The following FKBP5 variants were observed in gnomAD, a reference collection of about 807,000 sequenced individuals.
FKBP5 encodes FKBP prolyl isomerase 5.
FKBP5 carries 23 observed loss-of-function variants against 50.5 expected under a neutral mutation model. The observed-to-expected ratio is 0.46, with a 90% CI of 0.33 to 0.65. The LOEUF (loss-of-function observed/expected upper bound fraction) is 0.65. Ranked by LOEUF, FKBP5 falls within the 30% of genes least tolerant of loss-of-function variation. The pLI is 0.02. For missense variants in FKBP5, 411 were observed against 553.1 expected, an observed-to-expected ratio of 0.74 and a Z score of 2.58; for synonymous variants, 176 against 190.6, an observed-to-expected ratio of 0.92 and a Z score of 0.63.
intron 5 of FKBP5, among the ~76,000 whole-genome samples, chr6:35,612,841 G>A (rs543486446): frequency 3.3e-5 from 5 of 152,338 alleles, no homozygotes; most frequent in East Asian, 1.9e-4. Context: ...CCCACGACAC[G>A]TGGGGATTGT....
At chr6:35,709,699 A>G (rs1398984281) in intron 2 of FKBP5, among the ~76,000 whole-genome samples, 1 of 152,204 alleles carries the variant, frequency 6.6e-6, no homozygotes, top group African/African-American at 2.4e-5. Flanking sequence ...CATGCAAAAT[A>G]GAACAGTCCC....
Position 35,637,131 on chromosome 6 carries a change from C to T in FKBP5, c.133G>A (p.Glu45Lys). ...ACTTTGTCTCCAATCATCGGCGTTT[C>T]CTCACCATTCCCCACTCTTTTGACA... ...KIVKRVGNGEETPMIGDKVYV... is the reference protein window; with the variant it reads ...KIVKRVGNGEKTPMIGDKVYV... Residue 45 changes from glutamate (E) to lysine (K), a missense_variant, in exon 3 of 11, where the codon GAA (glutamate) becomes AAA (lysine). Transcript: ENST00000357266. The T allele has an allele frequency of 6.2e-7, 1 of 1,609,130 alleles. No homozygotes were observed. The highest frequency in any genetic ancestry group is 8.5e-7 in the Non-Finnish European group (1 of 1,179,006).
intron 1 of FKBP5, among the ~76,000 whole-genome samples, chr6:35,670,759 A>T (rs1289223945): frequency 6.6e-6 from 1 of 151,728 alleles, no homozygotes; most frequent in Non-Finnish European, 1.5e-5. Flanking sequence ...AAAAGAAAAG[A>T]AAAGAAAAAC....
intron 1 of FKBP5, among the ~76,000 whole-genome samples, chr6:35,679,954 T>C (rs982993152): frequency 6.6e-6 from 1 of 151,988 alleles, no homozygotes; most frequent in Non-Finnish European, 1.5e-5. Context: ...AATAAAAATA[T>C]ATAGGTCATA....
At chr6:35,587,141 G>A (rs900967877) in intron 7 of FKBP5, 24 bp from the exon 8 acceptor site, 28 of 1,607,948 alleles carry the variant, frequency 1.7e-5, no homozygotes, top group Non-Finnish European at 2.4e-5. Context: ...TGTGACAATG[G>A]TTAGATGAAC....
chr6:35,577,634 C>T (rs751069508), intron 9 of FKBP5, among the ~76,000 whole-genome samples: 2 of 152,152 alleles, frequency 1.3e-5, no homozygotes, highest in African/African-American at 4.8e-5. Flanking sequence ...TGGAACAGAA[C>T]GAATCATTCA....
intron 1 of FKBP5, among the ~76,000 whole-genome samples, chr6:35,648,058 A>T (rs1764678366): frequency 6.6e-6 from 1 of 151,980 alleles, no homozygotes; most frequent in Non-Finnish European, 1.5e-5. Flanking sequence ...TGAGGAGCTT[A>T]AAAAAGCTAC....
intron 5 of FKBP5, among the ~76,000 whole-genome samples, chr6:35,608,736 C>T (rs1289987630): frequency 6.6e-6 from 1 of 152,150 alleles, no homozygotes; most frequent in Non-Finnish European, 1.5e-5. Flanking sequence ...TTGCCTTCCC[C>T]TCTTCATTTC....
At chr6:35,644,487 G>A (rs1420657542) in intron 1 of FKBP5, among the ~76,000 whole-genome samples, 1 of 152,160 alleles carries the variant, frequency 6.6e-6, no homozygotes, top group Admixed American at 6.5e-5. Context: ...GTTCAACAGA[G>A]ACACAAATCC....
chr6:35,658,371 G>A (rs1200469885), intron 1 of FKBP5, among the ~76,000 whole-genome samples: 4 of 148,904 alleles, frequency 2.7e-5, no homozygotes, highest in African/African-American at 9.9e-5. Context: ...GTCTTTTTTT[G>A]AGACTCCGTC....
At chr6:35,699,234 G>A (rs912958774) in intron 2 of FKBP5, among the ~76,000 whole-genome samples, 6 of 152,140 alleles carry the variant, frequency 3.9e-5, no homozygotes, top group East Asian at 1.9e-4. Context: ...TTCTCACAGC[G>A]TGTTGGTCTC....
chr6:35,628,033 A>G (rs1053482572), intron 3 of FKBP5, among the ~76,000 whole-genome samples: 1 of 149,624 alleles, frequency 6.7e-6, no homozygotes, highest in African/African-American at 2.5e-5. Context: ...TCGGCCTCCC[A>G]AAGTGCTGGC....
chr6:35,643,757 T>G (rs1764555994), intron 1 of FKBP5, among the ~76,000 whole-genome samples: 1 of 152,214 alleles, frequency 6.6e-6, no homozygotes, highest in Admixed American at 6.5e-5. Flanking sequence ...CCTCTATTTG[T>G]AGGCCATTTT....
chr6:35,693,606 G>A (rs1353295537), upstream of FKBP5, among the ~76,000 whole-genome samples: 2 of 151,660 alleles, frequency 1.3e-5, no homozygotes, highest in Non-Finnish European at 2.9e-5. Context: ...TGCAACCTCC[G>A]CTTCCCAGGT....
Position 35,651,100 on chromosome 6 carries a change from C to T in FKBP5, c.-19-8257G>A, listed in dbSNP as rs547346410. Among the ~76,000 whole-genome samples the T allele has an allele frequency of 3.4e-4, 51 of 152,162 alleles. 1 individual carries two copies. Among genetic ancestry groups the T allele is most frequent in the East Asian group, 1.4e-3 (7 of 5,178 alleles). On this transcript the variant is annotated intron_variant, in intron 1 of 10. Transcript: ENST00000357266. ...TTGCAGAATGATTTGTAACATGATC[C>T]TATTTCCAAGAGGAAAAAAGTATAT...
Position 35,629,036 on chromosome 6 carries a change from C to T in FKBP5, c.250+7978G>A, listed in dbSNP as rs141116675. 6.8e-4 allele frequency among the ~76,000 whole-genome samples: 104 copies of T among 151,880 alleles called. No homozygotes were observed. In the East Asian group the frequency reaches 0.018, roughly 26 times the overall value. ...CTGGCCTAGTTTTATTTTAAAATAG[C>T]TATAAAAGGGCTCTAATAATCATCC... On this transcript the variant is annotated intron_variant, in intron 3 of 10. Coordinates refer to ENST00000357266, the MANE Select transcript of FKBP5 (RefSeq NM_004117.4).
At chr6:35,616,436 C>G (rs1763662100) in intron 5 of FKBP5, among the ~76,000 whole-genome samples, 1 of 151,284 alleles carries the variant, frequency 6.6e-6, no homozygotes. Context: ...AAAACAGTTA[C>G]TGGTACTACA....
intron 2 of FKBP5, among the ~76,000 whole-genome samples, chr6:35,700,946 A>G (rs1766170327): frequency 6.6e-6 from 1 of 152,112 alleles, no homozygotes; most frequent in South Asian, 2.1e-4. Context: ...GCAACAGACC[A>G]AGACTCCATC....
At chr6:35,727,269 G>A (rs1483408021) in intron 1 of FKBP5, among the ~76,000 whole-genome samples, 2 of 152,292 alleles carry the variant, frequency 1.3e-5, no homozygotes, top group Non-Finnish European at 2.9e-5. Context: ...TTCCCTCCTT[G>A]GTTTGGAGAG....
Sources: allele counts gnomAD v4.1 joint callset (sites outside exome capture counted in the v4.1 genomes callset), GRCh38; gene constraint gnomAD v4.1.1; transcripts MANE v1.5; gene names NCBI Gene and HGNC (gene_info 2026-07-23, HGNC 2026-07-21).